The following NPNT variants were observed in gnomAD, a reference collection of about 807,000 sequenced individuals.
The protein encoded by NPNT is nephronectin.
Under a neutral mutation model 68.6 loss-of-function variants are expected in NPNT, and 45 were observed. The observed-to-expected ratio is 0.66, with a 90% CI of 0.52 to 0.84. The LOEUF is 0.84. Ranked by LOEUF, NPNT falls within the 40% of genes least tolerant of loss-of-function variation. The pLI, the probability that NPNT is intolerant of heterozygous loss-of-function variation, is 0.00. For missense variants in NPNT, 672 were observed against 714.8 expected, an observed-to-expected ratio of 0.94 and a Z score of 0.68; for synonymous variants, 233 against 253.3, an observed-to-expected ratio of 0.92 and a Z score of 0.76.
Position 105,920,698 on chromosome 4 carries a change from G to C in NPNT, c.173-6638G>C, listed in dbSNP as rs545805780. 4.1e-4 allele frequency among the ~76,000 whole-genome samples: 63 copies of C among 152,018 alleles called. 1 individual carries two copies. The South Asian group carries it at 0.011, about 26-fold the overall frequency. Reference sequence around the variant, plus strand: ...AGGAATTAAAATTTAAATAGCGAGAGATCAAATAGATACTTGGTAAATGTG... The same window carrying C: ...AGGAATTAAAATTTAAATAGCGAGACATCAAATAGATACTTGGTAAATGTG... On this transcript the variant is annotated intron_variant, in intron 2 of 11. Coordinates refer to ENST00000379987, the MANE Select transcript of NPNT (RefSeq NM_001033047.3).
In NPNT at chr4:105,970,867, G is replaced by A. The variant is rs1732514734; in HGVS notation, c.*1877G>A. The A allele has an allele frequency of 3.2e-6, 1 of 308,488 alleles. No individual in the cohort carries two copies. Among genetic ancestry groups the A allele is most frequent in the African/African-American group, 2.2e-5 (1 of 45,988 alleles). The allele number at this position is 308,488 out of a possible 1,614,324, so 19.1% of individuals were successfully genotyped here. A position where few individuals can be genotyped will look rare whatever the true frequency, so the allele number is the denominator to read the frequency against. On this transcript the variant is annotated 3_prime_UTR_variant, in exon 12 of 12. Transcript: ENST00000379987. ...GCATTTCCCTCTTGACCTCCTAATG[G>A]AGAGGGATTGAAAGGGGAAGAGCCC...
At chr4:105,900,102 C>T (rs139015664) in intron 2 of NPNT, among the ~76,000 whole-genome samples, 85 of 152,350 alleles carry the variant, frequency 5.6e-4, no homozygotes, top group African/African-American at 2.0e-3. Flanking sequence ...CAAAGAACTT[C>T]TAGCGAATTT....
At chr4:105,950,893 G>A (rs930944037) in intron 8 of NPNT, among the ~76,000 whole-genome samples, 4 of 152,206 alleles carry the variant, frequency 2.6e-5, no homozygotes, top group African/African-American at 9.7e-5. Flanking sequence ...AAAGTGCTGC[G>A]ATTACAGGCG....
At chr4:105,965,557 G>A (rs1420275676) in intron 10 of NPNT, among the ~76,000 whole-genome samples, 1 of 152,116 alleles carries the variant, frequency 6.6e-6, no homozygotes, top group East Asian at 1.9e-4. Flanking sequence ...ACATTCCACA[G>A]GGACTTAATC....
chr4:105,970,686 A>G lies in NPNT; in HGVS notation c.*1696A>G. ...TCAGTATCTCTCTCTCTTTCTAAAA[A>G]ATTAGATAAAAATTTGTCTATTTAA... On this transcript the variant is annotated 3_prime_UTR_variant, in exon 12 of 12. Transcript: ENST00000379987. 1 of 503,618 alleles carries G rather than the reference A, an allele frequency of 2.0e-6. No homozygotes were observed. The allele number at this position is 503,618 out of a possible 1,614,324, so 31.2% of individuals were successfully genotyped here. A position where few individuals can be genotyped will look rare whatever the true frequency, so the allele number is the denominator to read the frequency against.
At chr4:105,948,505 TC>T (rs1209492800) in intron 8 of NPNT, among the ~76,000 whole-genome samples, 1 of 152,176 alleles carries the variant, frequency 6.6e-6, no homozygotes, top group African/African-American at 2.4e-5. Flanking sequence ...AGATAAGGGA[TC>T]TAGTGTTTGT....
In NPNT at chr4:105,898,081, G is replaced by A; in HGVS notation, c.172+80G>A. On this transcript the variant is annotated intron_variant, in intron 2 of 11. Transcript: ENST00000379987. ...GTTCATGGCTTCACCCCACATATCAGAGGGTTCATTACTGAGCAAGGCTTG... is the reference window on the plus strand; with the variant it reads ...GTTCATGGCTTCACCCCACATATCAAAGGGTTCATTACTGAGCAAGGCTTG... 3 of 957,890 alleles carry A rather than the reference G, an allele frequency of 3.1e-6. No homozygotes were observed. In the South Asian group the frequency reaches 4.8e-5, roughly 15 times the overall value. The allele number at this position is 957,890 out of a possible 1,614,324, so 59.3% of individuals were successfully genotyped here. A position where few individuals can be genotyped will look rare whatever the true frequency, so the allele number is the denominator to read the frequency against.
chr4:105,927,581 A>G, intron 3 of NPNT, 153 bp downstream of exon 3: 1 of 404,358 alleles, frequency 2.5e-6, no homozygotes, highest in South Asian at 5.0e-5. Flanking sequence ...TTAATGATAA[A>G]TATTGTAAAA....
At position 105,938,409 on chromosome 4, in the gene NPNT, G is replaced by A; in HGVS notation, c.494G>A (p.Arg165Lys). The stretch of plus-strand genomic sequence containing the variant: ...GGCCTGCAGCTGGCTCCTGATGGGA[G>A]GACCTGTGTAGGTGAGTTGTAAAAT... ...SPGLQLAPDG[R>K]TCVDVDECAT... The change falls in exon 5 of 12, where the codon AGG becomes AAG. Residue 165 changes from arginine to lysine, a missense_variant. By Grantham distance (26) the Arg-to-Lys change is conservative. Transcript: ENST00000379987. 2.5e-6 allele frequency: 4 copies of A among 1,613,430 alleles called. No homozygotes were observed. Among genetic ancestry groups the A allele is most frequent in the Non-Finnish European group, 3.4e-6 (4 of 1,179,618 alleles).
intron 10 of NPNT, among the ~76,000 whole-genome samples, chr4:105,959,758 A>G (rs1731547847): frequency 6.6e-6 from 1 of 151,360 alleles, no homozygotes; most frequent in Admixed American, 6.6e-5. Flanking sequence ...TACTCATAAG[A>G]CATCTTTTCT....
chr4:105,926,914 T>G (rs1019445208), intron 2 of NPNT: 31 of 152,408 alleles, frequency 2.0e-4, no homozygotes, highest in Non-Finnish European at 1.5e-5. Context: ...TTATGTTTAG[T>G]TAGAAATTTA....
chr4:105,911,353 A>C (rs1382094423), intron 2 of NPNT, among the ~76,000 whole-genome samples: 2 of 152,148 alleles, frequency 1.3e-5, no homozygotes, highest in Non-Finnish European at 2.9e-5. Context: ...ACCCAAAGGA[A>C]GGCCCCATTC....
chr4:105,954,967 T>C (rs1332018194), intron 8 of NPNT, among the ~76,000 whole-genome samples: 1 of 152,232 alleles, frequency 6.6e-6, no homozygotes, highest in African/African-American at 2.4e-5. Flanking sequence ...AACAAGCTCT[T>C]AGCCCATGCT....
chr4:105,935,965 T>G (rs1578638567), intron 3 of NPNT, among the ~76,000 whole-genome samples: 1 of 152,294 alleles, frequency 6.6e-6, no homozygotes, highest in East Asian at 1.9e-4. Context: ...TAATAGATAA[T>G]TAAATTATGC....
intron 3 of NPNT, chr4:105,932,608 G>A: frequency 6.5e-7 from 1 of 1,532,194 alleles, no homozygotes; most frequent in Non-Finnish European, 8.7e-7. Context: ...TCTTCCTGGT[G>A]TGAAGACGAG....
intron 2 of NPNT, chr4:105,911,994 G>T (rs959046020): frequency 2.7e-5 from 15 of 546,054 alleles, no homozygotes; most frequent in Non-Finnish European, 4.2e-5. Context: ...GTTATGAAAT[G>T]TTTTTTTATA....
intron 3 of NPNT, among the ~76,000 whole-genome samples, chr4:105,928,015 T>C (rs976556953): frequency 1.3e-5 from 2 of 152,200 alleles, no homozygotes; most frequent in African/African-American, 4.8e-5. Context: ...ATATATATAA[T>C]CCATTTTTAT....
chr4:105,915,254 A>G (rs986712017), intron 2 of NPNT, among the ~76,000 whole-genome samples: 9 of 152,144 alleles, frequency 5.9e-5, no homozygotes, highest in African/African-American at 2.2e-4. Flanking sequence ...TGGGACCTGT[A>G]GGAAGTCAAC....
In NPNT at chr4:105,938,306, C is replaced by T. The variant is rs1729653914; in HGVS notation, c.391C>T (p.Leu131=). Residue 131 remains leucine (L), a synonymous_variant, in exon 5 of 12, where the codon CTG becomes TTG. Coordinates refer to ENST00000379987, the MANE Select transcript of NPNT (RefSeq NM_001033047.3). ...GCCAGTCACTCTCTTTCCAGGTGCCCTGACCTGCTCCATGGCAAACTGTCA... is the reference window on the plus strand; with the variant it reads ...GCCAGTCACTCTCTTTCCAGGTGCCTTGACCTGCTCCATGGCAAACTGTCA... The part of the protein sequence containing the change: ...LMPDGSCSSA[L]TCSMANCQYG... The T allele has an allele frequency of 6.2e-7, 1 of 1,613,096 alleles. No individual in the cohort carries two copies. Among genetic ancestry groups the T allele is most frequent in the African/African-American group, 1.3e-5 (1 of 74,828 alleles).
Sources: allele counts gnomAD v4.1 joint callset (sites outside exome capture counted in the v4.1 genomes callset), GRCh38; gene constraint gnomAD v4.1.1; transcripts MANE v1.5; gene names NCBI Gene and HGNC (gene_info 2026-07-23, HGNC 2026-07-21).